Variants in PHACTR1 observed in about 807,000 individuals in gnomAD.
PHACTR1 encodes RPEL repeat containing 1.
In PHACTR1, 16 loss-of-function variants were observed where a neutral mutation model predicts 69.2. That is an observed-to-expected ratio of 0.23 (90% CI 0.16 to 0.35). PHACTR1 has a LOEUF of 0.35. Ranked by LOEUF, PHACTR1 falls within the 10% of genes least tolerant of loss-of-function variation. The pLI is 1.00. For missense variants in PHACTR1, 510 were observed against 734.7 expected, an observed-to-expected ratio of 0.69 and a Z score of 3.54; for synonymous variants, 312 against 284.5, an observed-to-expected ratio of 1.10 and a Z score of -0.97.
intron 5 of PHACTR1, among the ~76,000 whole-genome samples, chr6:13,084,970 G>A (rs891669566): frequency 7.9e-5 from 12 of 152,002 alleles, no homozygotes; most frequent in East Asian, 1.9e-4. Flanking sequence ...GGCAATTAGC[G>A]TAGAATAAAG....
At chr6:13,184,900 T>G in intron 7 of PHACTR1, 1 of 1,366,538 alleles carries the variant, frequency 7.3e-7, no homozygotes, top group Non-Finnish European at 9.8e-7. Context: ...ACCTGCTGCT[T>G]TCCCTGGAGA....
chr6:13,019,075 T>TTC (rs1554107039), intron 4 of PHACTR1, among the ~76,000 whole-genome samples: 1 of 135,824 alleles, frequency 7.4e-6, no homozygotes, highest in Non-Finnish European at 1.6e-5. Flanking sequence ...TATATATATA[T>TTC]TTTTTCTTTT....
rs543852495 is a variant in PHACTR1, at chr6:13,048,925, T to C, written c.251-4440T>C. On this transcript the variant is annotated intron_variant, in intron 4 of 14. Transcript: ENST00000332995. ...CAATATCATTATCTGATGGCAAAGC[T>C]AGCCCCATCATCAAATTAATTGGAG... is the stretch of plus-strand genomic sequence containing the variant. Among the ~76,000 whole-genome samples the C allele has an allele frequency of 4.6e-5, 7 of 152,352 alleles. No individual in the cohort carries two copies. In the East Asian group the frequency reaches 1.3e-3, roughly 29 times the overall value.
At chr6:13,229,844 A>C (rs768777925) in intron 9 of PHACTR1, among the ~76,000 whole-genome samples, 193 bp from the exon 10 acceptor site, 1 of 152,172 alleles carries the variant, frequency 6.6e-6, no homozygotes, top group African/African-American at 2.4e-5. Flanking sequence ...TGTGCTGTCC[A>C]TGTGCCCCAC....
chr6:13,154,883 T>C (rs1223536), intron 5 of PHACTR1, among the ~76,000 whole-genome samples: 148,522 of 151,984 alleles, frequency 0.98, 72,639 homozygotes, highest in Non-Finnish European at 0.99. Context: ...CCAAAATTAT[T>C]GAGGAAGGAG....
chr6:13,230,007 C>T (rs764050891), intron 9 of PHACTR1, 30 bp from the exon 10 acceptor site: 2 of 1,577,594 alleles, frequency 1.3e-6, no homozygotes, highest in South Asian at 2.4e-5. Flanking sequence ...GATATGTAAG[C>T]CTTAATTGAC....
intron 5 of PHACTR1, among the ~76,000 whole-genome samples, chr6:13,154,860 G>C (rs1757943142): frequency 6.6e-6 from 1 of 150,876 alleles, no homozygotes. Flanking sequence ...TTTCATGTTT[G>C]TTCTACCCAA....
chr6:12,748,125 G>C (rs1214261498), intron 3 of PHACTR1, among the ~76,000 whole-genome samples: 1 of 152,220 alleles, frequency 6.6e-6, no homozygotes, highest in African/African-American at 2.4e-5. Context: ...TAAAAACAGA[G>C]ACTGATGGCC....
intron 4 of PHACTR1, among the ~76,000 whole-genome samples, chr6:12,872,735 A>G (rs1200337434): frequency 6.6e-6 from 1 of 152,152 alleles, no homozygotes; most frequent in Non-Finnish European, 1.5e-5. Flanking sequence ...ATTCGTGTTC[A>G]TCACCACAGT....
chr6:12,944,787 A>ATTTTTTATTT (rs1554172587), intron 4 of PHACTR1, among the ~76,000 whole-genome samples: 3 of 116,340 alleles, frequency 2.6e-5, no homozygotes, highest in African/African-American at 9.8e-5. Flanking sequence ...ATTTTTATTT[A>ATTTTTTATTT]TTTTTTTTTT....
intron 4 of PHACTR1, among the ~76,000 whole-genome samples, chr6:12,849,700 C>T (rs1779646640): frequency 6.6e-6 from 1 of 152,108 alleles, no homozygotes; most frequent in Non-Finnish European, 1.5e-5. Flanking sequence ...AAACCATCAT[C>T]TGTGCAGCAT....
intron 4 of PHACTR1, among the ~76,000 whole-genome samples, chr6:13,018,915 G>C (rs374883000): frequency 6.6e-6 from 1 of 152,048 alleles, no homozygotes; most frequent in South Asian, 2.1e-4. Context: ...GTCTCACTCT[G>C]TTGCCCAGGC....
At chr6:12,808,214 T>G (rs1014196376) in intron 4 of PHACTR1, among the ~76,000 whole-genome samples, 2 of 152,246 alleles carry the variant, frequency 1.3e-5, no homozygotes, top group African/African-American at 4.8e-5. Flanking sequence ...TACTAATCTA[T>G]ACAACGAGAT....
intron 4 of PHACTR1, among the ~76,000 whole-genome samples, chr6:13,002,537 G>A (rs1020572091): frequency 4.6e-5 from 7 of 152,128 alleles, no homozygotes; most frequent in African/African-American, 1.7e-4. Context: ...ATGAGGAAAA[G>A]GCCAAACTCT....
chr6:12,895,707 C>T (rs1784602930), intron 4 of PHACTR1, among the ~76,000 whole-genome samples: 1 of 152,168 alleles, frequency 6.6e-6, no homozygotes, highest in Admixed American at 6.5e-5. Context: ...ACCAAAGTGA[C>T]ATCATCTTCA....
chr6:13,104,880 T>C (rs368149983), intron 5 of PHACTR1, among the ~76,000 whole-genome samples: 20 of 152,320 alleles, frequency 1.3e-4, no homozygotes, highest in African/African-American at 4.8e-4. Context: ...TCATTCAAAT[T>C]AACAGGTTTT....
At chr6:13,171,978 G>A (rs988521534) in intron 6 of PHACTR1, among the ~76,000 whole-genome samples, 1 of 152,122 alleles carries the variant, frequency 6.6e-6, no homozygotes, top group African/African-American at 2.4e-5. Flanking sequence ...TGTTGGCCAG[G>A]CTGGTCTTGA....
In PHACTR1 at chr6:13,179,405, CGTGTGTGTGTGTGTGT is replaced by C. The variant is rs4053019; in HGVS notation, c.497-3089_497-3074del. The stretch of plus-strand genomic sequence containing the variant: ...TATACAGCCCATTACATTAATGTTT[CGTGTGTGTGTGTGTGT>C]GTGTGTGTGTGTGTGTGTGTGTGTT... On this transcript the variant is annotated intron_variant, in intron 6 of 14. Coordinates refer to ENST00000332995, the MANE Select transcript of PHACTR1 (RefSeq NM_030948.6). This position sits in a 1 kb window ranked among gnomAD's most constrained non-coding sequence, Gnocchi z 4.2. 7.7e-5 allele frequency among the ~76,000 whole-genome samples: 11 copies of C among 142,056 alleles called. No homozygotes were observed. Among genetic ancestry groups the C allele is most frequent in the East Asian group, 4.1e-4 (2 of 4,910 alleles). 93.2% of individuals were successfully genotyped at this position (142,056 alleles called of 152,430 possible).
intron 4 of PHACTR1, among the ~76,000 whole-genome samples, chr6:12,931,840 G>A (rs1788908630): frequency 6.6e-6 from 1 of 151,988 alleles, no homozygotes; most frequent in African/African-American, 2.4e-5. Flanking sequence ...ACAGCTCACA[G>A]CTGGGAGGTT....
Sources: gnomAD v4.1 joint callset for allele counts (sites outside exome capture counted in the v4.1 genomes callset) on GRCh38, gnomAD v4.1.1 for gene constraint, Gnocchi (gnomAD v3.1) non-coding constraint, MANE v1.5 for transcripts, NCBI Gene and HGNC (gene_info 2026-07-23, HGNC 2026-07-21) for gene names.